TMTC2: variants seen among roughly 807,000 people sequenced by gnomAD.
TMTC2 encodes the protein protein O-mannosyl-transferase TMTC2.
Under a neutral mutation model 82.4 loss-of-function variants are expected in TMTC2, and 43 were observed. That is an observed-to-expected ratio of 0.52 (90% CI 0.41 to 0.67). The LOEUF is 0.67. Among genes scored for constraint, TMTC2 ranks in the 30% least tolerant of loss-of-function variants. TMTC2 has a pLI of 0.00. For missense variants in TMTC2, 919 were observed against 1,012.4 expected, an observed-to-expected ratio of 0.91 and a Z score of 1.25; for synonymous variants, 408 against 381.9, an observed-to-expected ratio of 1.07 and a Z score of -0.80.
At chr12:83,076,805 T>G (rs549399610) in intron 11 of TMTC2, among the ~76,000 whole-genome samples, 2 of 152,342 alleles carry the variant, frequency 1.3e-5, no homozygotes, top group South Asian at 4.1e-4. Flanking sequence ...TGTAACACCC[T>G]CTTTTTCTGC....
At position 82,966,951 on chromosome 12, in the gene TMTC2, GA is replaced by G. The variant is rs1878240038; in HGVS notation, c.1906del (p.Met636CysfsTer13). ...TTAGTGTATACAAGGAAGCAATTCAGAAAATGCCAAGGCAGTTTGCCCCACA... is the reference window on the plus strand; with the variant it reads ...TTAGTGTATACAAGGAAGCAATTCAGAAATGCCAAGGCAGTTTGCCCCACA... ...ALSVYKEAIQ[K>X]MPRQFAPQSL... On this transcript the variant is annotated frameshift_variant, in exon 7 of 12. Transcript: ENST00000321196. LOFTEE classifies it high-confidence loss of function. The G allele has an allele frequency of 6.2e-7, 1 of 1,613,128 alleles. No homozygotes were observed. Among genetic ancestry groups the G allele is most frequent in the African/African-American group, 1.3e-5 (1 of 74,890 alleles).
intron 11 of TMTC2, among the ~76,000 whole-genome samples, chr12:83,111,784 A>G (rs1884608379): frequency 1.3e-5 from 2 of 152,196 alleles, no homozygotes; most frequent in African/African-American, 4.8e-5. Context: ...AATTACATTT[A>G]AAAAGGAAAA....
At position 82,896,069 on chromosome 12, in the gene TMTC2, C is replaced by T; in HGVS notation, c.906C>T (p.Leu302=). The change falls in exon 3 of 12, where the codon CTC becomes CTT. Residue 302 remains leucine, a synonymous_variant. Coordinates refer to ENST00000321196, the MANE Select transcript of TMTC2 (RefSeq NM_152588.3). ...GGTCAATGGATGCTGTGCCTCTGCT[C>T]AAAACAGTTTGTGACTGGAGAAACC... ...FDWSMDAVPL[L]KTVCDWRNLH... is the part of the protein sequence containing the mutation. 1.2e-6 allele frequency: 2 copies of T among 1,613,980 alleles called. No individual in the cohort carries two copies. Among genetic ancestry groups the T allele is most frequent in the Non-Finnish European group, 1.7e-6 (2 of 1,180,000 alleles).
chr12:82,942,036 T>TGGCTGGGATA (rs1876749620), intron 4 of TMTC2, among the ~76,000 whole-genome samples: 1 of 152,196 alleles, frequency 6.6e-6, no homozygotes, highest in Admixed American at 6.6e-5. Flanking sequence ...CCACCGCACC[T>TGGCTGGGATA]GGCTGGGATA....
rs6539695 is a variant in TMTC2, at chr12:82,839,266, T to C, written c.84-17744T>C. The stretch of plus-strand genomic sequence containing the variant: ...AAGACAGGACCACTATAACATTTGG[T>C]CATCCTATTCTGTTATTCTCCCCAA... On this transcript the variant is annotated intron_variant, in intron 1 of 11. Transcript: ENST00000321196. 1.1e-4 allele frequency among the ~76,000 whole-genome samples: 17 copies of C among 152,152 alleles called. No homozygotes were observed. The East Asian group carries it at 3.3e-3, about 29-fold the overall frequency.
At chr12:83,086,553 G>A (rs1400044659) in intron 11 of TMTC2, among the ~76,000 whole-genome samples, 1 of 152,114 alleles carries the variant, frequency 6.6e-6, no homozygotes, top group Non-Finnish European at 1.5e-5. Flanking sequence ...GTCCAGTGAG[G>A]TATTAATTAA....
Position 82,938,715 on chromosome 12 carries a change from G to A in TMTC2, c.1598+8170G>A, listed in dbSNP as rs969647142. 2.0e-5 allele frequency among the ~76,000 whole-genome samples: 3 copies of A among 152,252 alleles called. No individual in the cohort carries two copies. In the South Asian group the frequency reaches 6.2e-4, roughly 32 times the overall value. ...CTGTGTTTTCATGTGGCAAGAGCAA[G>A]GCCTAATGCCTAGTATATAACGTTC... On this transcript the variant is annotated intron_variant, in intron 4 of 11. Transcript: ENST00000321196.
At chr12:82,733,590 A>T (rs574186114) in intron 1 of TMTC2, among the ~76,000 whole-genome samples, 2 of 152,202 alleles carry the variant, frequency 1.3e-5, no homozygotes, top group African/African-American at 4.8e-5. Flanking sequence ...GCCTTTGACG[A>T]TATCCTTTGT....
Position 82,854,399 on chromosome 12 carries a change from G to A in TMTC2, c.84-2611G>A, listed in dbSNP as rs1179465685. ...TGATTTCTATTCCTAAGGACACCTT[G>A]TGGGCCAAGATGGCTGCTGGAACTC... On this transcript the variant is annotated intron_variant, in intron 1 of 11. Transcript: ENST00000321196. Among the ~76,000 whole-genome samples the A allele has an allele frequency of 3.9e-5, 6 of 152,226 alleles. No homozygotes were observed. The East Asian group carries it at 9.7e-4, about 24-fold the overall frequency.
At chr12:82,789,144 G>T (rs893616321) in intron 1 of TMTC2, among the ~76,000 whole-genome samples, 3 of 152,102 alleles carry the variant, frequency 2.0e-5, no homozygotes, top group African/African-American at 7.2e-5. Flanking sequence ...CAAGTCTCCA[G>T]ATTCACGCTT....
At chr12:82,760,759 T>G (rs1166735970) in intron 1 of TMTC2, 2 of 246,316 alleles carry the variant, frequency 8.1e-6, no homozygotes, top group East Asian at 3.3e-4. Context: ...TGGCATTAGA[T>G]TCTCATAGGG....
At chr12:82,939,659 AC>A (rs1876597226) in intron 4 of TMTC2, among the ~76,000 whole-genome samples, 1 of 152,178 alleles carries the variant, frequency 6.6e-6, no homozygotes, top group African/African-American at 2.4e-5. Context: ...TTGGATAGCT[AC>A]CTATCACTTA....
chr12:82,698,369 G>A (rs1233466364), intron 1 of TMTC2, among the ~76,000 whole-genome samples: 1 of 152,012 alleles, frequency 6.6e-6, no homozygotes, highest in Non-Finnish European at 1.5e-5. Flanking sequence ...TAATTGGTCA[G>A]GAAACAAAAA....
chr12:82,727,719 A>G (rs1874533977), intron 1 of TMTC2, among the ~76,000 whole-genome samples: 1 of 120,600 alleles, frequency 8.3e-6, no homozygotes, highest in Non-Finnish European at 1.9e-5. Flanking sequence ...AGAGTGTCTC[A>G]AAAAAAAAAA....
At chr12:82,934,386 C>A (rs372999589) in intron 4 of TMTC2, among the ~76,000 whole-genome samples, 5 of 152,026 alleles carry the variant, frequency 3.3e-5, no homozygotes, top group Non-Finnish European at 5.9e-5. Flanking sequence ...CCTAGCCCCC[C>A]ACCCCTTGAC....
At chr12:83,110,083 TC>T (rs1274217384) in intron 11 of TMTC2, among the ~76,000 whole-genome samples, 1 of 152,214 alleles carries the variant, frequency 6.6e-6, no homozygotes, top group Non-Finnish European at 1.5e-5. Context: ...TGCTTTTCTG[TC>T]ACTGAGGATA....
At chr12:82,780,557 A>G (rs1283072801) in intron 1 of TMTC2, among the ~76,000 whole-genome samples, 1 of 152,166 alleles carries the variant, frequency 6.6e-6, no homozygotes, top group Non-Finnish European at 1.5e-5. Context: ...ATACAAGAGA[A>G]GTTCACAAAG....
intron 11 of TMTC2, among the ~76,000 whole-genome samples, chr12:83,079,095 A>T (rs979664284): frequency 6.6e-6 from 1 of 152,270 alleles, no homozygotes; most frequent in Non-Finnish European, 1.5e-5. Context: ...ACAGGAAGAG[A>T]TGAGAACAGG....
At chr12:82,777,762 C>T (rs1346763712) in intron 1 of TMTC2, among the ~76,000 whole-genome samples, 1 of 152,168 alleles carries the variant, frequency 6.6e-6, no homozygotes, top group African/African-American at 2.4e-5. Flanking sequence ...TATACTAGCT[C>T]CATTTCCCAT....
Sources: allele counts gnomAD v4.1 joint callset (sites outside exome capture counted in the v4.1 genomes callset), GRCh38; gene constraint gnomAD v4.1.1; transcripts MANE v1.5; gene names NCBI Gene and HGNC (gene_info 2026-07-23, HGNC 2026-07-21).